The following GGA2 variants were observed in gnomAD, a reference collection of about 807,000 sequenced individuals.
The protein encoded by GGA2 is golgi associated, gamma adaptin ear containing, ARF binding protein 2.
A neutral mutation model predicts 79.5 loss-of-function variants in GGA2; 48 were observed. That is an observed-to-expected ratio of 0.60 (90% CI 0.48 to 0.77). GGA2 has a LOEUF of 0.77. Among genes scored for constraint, GGA2 ranks in the 30% least tolerant of loss-of-function variants. The pLI is 0.00. For synonymous variants in GGA2, 317 were observed against 302.0 expected, an observed-to-expected ratio of 1.05 and a Z score of -0.51; for missense variants, 770 against 774.0, an observed-to-expected ratio of 0.99 and a Z score of 0.06.
At chr16:23,510,274 T>C (rs368074817) in intron 1 of GGA2, 47 bp downstream of exon 1, 19,377 of 1,273,836 alleles carry the variant, frequency 0.015, 191 homozygotes, top group Middle Eastern at 0.024. Flanking sequence ...AAGCGAGGCC[T>C]CACGTGCGGC....
upstream of GGA2, among the ~76,000 whole-genome samples, chr16:23,514,416 TTTAA>T (rs57687174): frequency 0.013 from 2,008 of 152,108 alleles, 48 homozygotes; most frequent in African/African-American, 0.046. Context: ...CCTGTAAAAC[TTTAA>T]TTAAATAAAT....
At chr16:23,483,945 C>G (rs562940385) in intron 8 of GGA2, among the ~76,000 whole-genome samples, 84 of 148,670 alleles carry the variant, frequency 5.7e-4, no homozygotes, top group Middle Eastern at 3.5e-3. Flanking sequence ...CTGCGCCCGG[C>G]TGGGCTGTGG....
chr16:23,479,758 C>G lies in GGA2; in HGVS notation c.1129+7G>C. 6.2e-7 allele frequency: 1 copy of G among 1,613,786 alleles called. No individual in the cohort carries two copies. The highest frequency in any genetic ancestry group is 1.3e-5 in the African/African-American group (1 of 75,038). On this transcript the variant is annotated splice_region_variant and intron_variant, in intron 11 of 16. Coordinates refer to ENST00000309859, the MANE Select transcript of GGA2 (RefSeq NM_015044.4). Reference sequence around the variant, plus strand: ...TGTGCCTGCTCCCCACAAGCACCTGCCCTCACCCAAGGCTGCCAGGTCCTG... The same window carrying G: ...TGTGCCTGCTCCCCACAAGCACCTGGCCTCACCCAAGGCTGCCAGGTCCTG...
chr16:23,469,221 T>C, intron 15 of GGA2: 1 of 432,580 alleles, frequency 2.3e-6, no homozygotes, highest in Non-Finnish European at 4.3e-6. Flanking sequence ...GGATCGGGAG[T>C]TGTGTGGTCA....
At chr16:23,498,256 G>T (rs1242785922) in intron 1 of GGA2, among the ~76,000 whole-genome samples, 1 of 151,836 alleles carries the variant, frequency 6.6e-6, no homozygotes, top group African/African-American at 2.4e-5. Flanking sequence ...CTCCAGCCTG[G>T]GTGACAAGGT....
intron 2 of GGA2, among the ~76,000 whole-genome samples, chr16:23,518,577 A>G (rs1305631625): frequency 6.6e-6 from 1 of 152,170 alleles, no homozygotes; most frequent in Admixed American, 6.6e-5. Context: ...CTTCACTTCC[A>G]AGCTTTGTCA....
intron 2 of GGA2, among the ~76,000 whole-genome samples, chr16:23,516,737 T>A (rs1965105650): frequency 6.6e-6 from 1 of 152,090 alleles, no homozygotes; most frequent in Non-Finnish European, 1.5e-5. Context: ...ACTCCCTTCA[T>A]CTCCAGCTCT....
intron 16 of GGA2, among the ~76,000 whole-genome samples, chr16:23,468,482 ATTTT>A (rs761971638): frequency 1.4e-5 from 2 of 138,554 alleles, no homozygotes; most frequent in Non-Finnish European, 3.1e-5. Context: ...GGCCGACTTT[ATTTT>A]TTTTTGAGAT....
chr16:23,467,776 A>T, intron 16 of GGA2, 76 bp from the exon 17 acceptor site: 1 of 764,872 alleles, frequency 1.3e-6, no homozygotes, highest in South Asian at 1.4e-5. Flanking sequence ...AAGTCAAGTG[A>T]GTGTTTCAAA....
chr16:23,482,872 A>T (rs773808118), intron 9 of GGA2, 51 bp downstream of exon 9: 22 of 1,029,768 alleles, frequency 2.1e-5, no homozygotes, highest in African/African-American at 3.1e-5. Context: ...GGAGGGACCG[A>T]GTCTGTCTTG....
At chr16:23,469,661 G>A (rs1220993991) in intron 15 of GGA2, 1 of 169,940 alleles carries the variant, frequency 5.9e-6, no homozygotes, top group Non-Finnish European at 1.3e-5. Context: ...CCCGGTGAGA[G>A]TTTCTGAGAT....
At chr16:23,488,735 G>C in intron 5 of GGA2, 26 bp from the exon 6 acceptor site, 1 of 1,264,028 alleles carries the variant, frequency 7.9e-7, no homozygotes, top group Admixed American at 1.7e-5. Context: ...ACAAAGTTAA[G>C]ACACCGATAT....
chr16:23,499,872 G>A (rs1183431323), intron 1 of GGA2, among the ~76,000 whole-genome samples: 1 of 152,206 alleles, frequency 6.6e-6, no homozygotes, highest in Non-Finnish European at 1.5e-5. Flanking sequence ...GTAGGGGTGG[G>A]GCCGCTGGCA....
intron 1 of GGA2, among the ~76,000 whole-genome samples, chr16:23,508,417 A>G (rs1421201352): frequency 1.3e-5 from 2 of 152,072 alleles, no homozygotes; most frequent in African/African-American, 2.4e-5. Context: ...TCCTAAAACT[A>G]CTACCTTCTG....
intron 1 of GGA2, among the ~76,000 whole-genome samples, chr16:23,506,117 T>C (rs1049615179): frequency 1.3e-5 from 2 of 152,166 alleles, no homozygotes; most frequent in Non-Finnish European, 2.9e-5. Context: ...TTTATTACTC[T>C]CTTCCCATCT....
intron 1 of GGA2, among the ~76,000 whole-genome samples, chr16:23,505,487 T>C (rs1009064876): frequency 1.3e-5 from 2 of 152,172 alleles, no homozygotes; most frequent in South Asian, 4.1e-4. Flanking sequence ...TGTGGAATAA[T>C]GACCAAAATA....
At chr16:23,478,152 T>C (rs1350112304) in intron 13 of GGA2, among the ~76,000 whole-genome samples, 2 of 149,898 alleles carry the variant, frequency 1.3e-5, no homozygotes, top group Non-Finnish European at 3.0e-5. Flanking sequence ...TGAGCCGAGA[T>C]TGTGCCACTG....
intron 6 of GGA2, among the ~76,000 whole-genome samples, chr16:23,487,154 G>A (rs1386231524): frequency 6.6e-6 from 1 of 151,924 alleles, no homozygotes; most frequent in Non-Finnish European, 1.5e-5. Flanking sequence ...GCTAATTTTT[G>A]TGTTTTTAGT....
chr16:23,515,358 A>C (rs1446400964), upstream of GGA2, among the ~76,000 whole-genome samples: 1 of 151,756 alleles, frequency 6.6e-6, no homozygotes, highest in Non-Finnish European at 1.5e-5. Context: ...GCACTTTGGG[A>C]GGCCAAGGCA....
Sources: gnomAD v4.1 joint callset for allele counts (sites outside exome capture counted in the v4.1 genomes callset) on GRCh38, gnomAD v4.1.1 for gene constraint, MANE v1.5 for transcripts, NCBI Gene and HGNC (gene_info 2026-07-23, HGNC 2026-07-21) for gene names.